The following KCNIP4 variants were observed in gnomAD, a reference collection of about 807,000 sequenced individuals.
KCNIP4 encodes Kv channel-interacting protein 4.
KCNIP4 carries 12 observed loss-of-function variants against 34.0 expected under a neutral mutation model. The ratio of observed to expected loss-of-function variants is 0.35; its 90% CI spans 0.23 to 0.57. KCNIP4 has a LOEUF of 0.57. KCNIP4 is among the 20% of genes least tolerant of loss of function. The pLI, the probability that KCNIP4 is intolerant of heterozygous loss-of-function variation, is 0.83. For missense variants in KCNIP4, 238 were observed against 311.7 expected, an observed-to-expected ratio of 0.76 and a Z score of 1.78; for synonymous variants, 124 against 102.2, an observed-to-expected ratio of 1.21 and a Z score of -1.29.
chr4:21,213,255 AT>A (rs1757349973), intron 1 of KCNIP4, among the ~76,000 whole-genome samples: 1 of 151,338 alleles, frequency 6.6e-6, no homozygotes, highest in Admixed American at 6.6e-5. Context: ...AATCAGCACT[AT>A]TTTTCTTTCT....
rs529622312 is a variant in KCNIP4 at position 21,721,115 on chromosome 4, G to A, written c.61+227456C>T. Among the ~76,000 whole-genome samples the A allele has an allele frequency of 6.6e-5, 10 of 152,222 alleles. No individual in the cohort carries two copies. In the South Asian group the frequency reaches 1.0e-3, roughly 16 times the overall value. On this transcript the variant is annotated intron_variant, in intron 1 of 8. Coordinates refer to ENST00000382152, the MANE Select transcript of KCNIP4 (RefSeq NM_025221.6). ...CACTAGAGCCTTAGTTCGGAGTTTG[G>A]TTAAACTGTTCAGTGAGCTAACTCC...
chr4:21,065,769 T>TATAA (rs1744327616), intron 1 of KCNIP4, among the ~76,000 whole-genome samples: 1 of 139,146 alleles, frequency 7.2e-6, no homozygotes, highest in African/African-American at 2.6e-5. Flanking sequence ...TATATATAAC[T>TATAA]CAATTTTATT....
intron 1 of KCNIP4, among the ~76,000 whole-genome samples, chr4:21,375,327 G>T (rs1720864797): frequency 2.0e-5 from 3 of 152,136 alleles, no homozygotes; most frequent in African/African-American, 4.8e-5. Flanking sequence ...AACAGCCTGG[G>T]TTCAAATAGC....
chr4:21,749,469 C>T (rs1717002265), intron 1 of KCNIP4, among the ~76,000 whole-genome samples: 1 of 152,156 alleles, frequency 6.6e-6, no homozygotes, highest in Non-Finnish European at 1.5e-5. Flanking sequence ...GTGCCAATTC[C>T]TCACTGCTTT....
At chr4:20,860,837 G>A (rs1370713695) in intron 2 of KCNIP4, among the ~76,000 whole-genome samples, 1 of 152,124 alleles carries the variant, frequency 6.6e-6, no homozygotes, top group Non-Finnish European at 1.5e-5. Context: ...AGGATAAGGA[G>A]GTGATGCTAT....
At chr4:21,306,546 C>T (rs1171619029) in intron 1 of KCNIP4, among the ~76,000 whole-genome samples, 1 of 152,120 alleles carries the variant, frequency 6.6e-6, no homozygotes, top group Non-Finnish European at 1.5e-5. Flanking sequence ...CTGGCTGACA[C>T]ACTGTTTTAG....
intron 1 of KCNIP4, among the ~76,000 whole-genome samples, chr4:20,994,001 C>A (rs1368490400): frequency 6.6e-6 from 1 of 152,184 alleles, no homozygotes; most frequent in Non-Finnish European, 1.5e-5. Flanking sequence ...CATTCCATTG[C>A]TCTGACACTG....
intron 1 of KCNIP4, among the ~76,000 whole-genome samples, chr4:21,480,021 A>C (rs28393287): frequency 0.022 from 3,335 of 151,464 alleles, 122 homozygotes; most frequent in East Asian, 0.12. Flanking sequence ...ATAATAATAT[A>C]TAAATTTAAC....
At chr4:21,312,037 C>T (rs998699263) in intron 1 of KCNIP4, among the ~76,000 whole-genome samples, 1 of 152,102 alleles carries the variant, frequency 6.6e-6, no homozygotes, top group Non-Finnish European at 1.5e-5. Context: ...CAACACCACA[C>T]CCAGACTTCA....
Position 21,237,036 on chromosome 4 carries a change from G to A in KCNIP4, c.62-354327C>T, listed in dbSNP as rs953142486. On this transcript the variant is annotated intron_variant, in intron 1 of 8. Coordinates refer to ENST00000382152, the MANE Select transcript of KCNIP4 (RefSeq NM_025221.6). ...AAAAAAAAAAAGATATACATTCAACGGGTACAAATTATTCTCTAAATTACA... is the reference window on the plus strand; with the variant it reads ...AAAAAAAAAAAGATATACATTCAACAGGTACAAATTATTCTCTAAATTACA... 5.3e-5 allele frequency among the ~76,000 whole-genome samples: 8 copies of A among 151,348 alleles called. 1 individual carries two copies. The highest frequency in any genetic ancestry group is 2.0e-4 in the Admixed American group (3 of 15,130).
At chr4:21,080,287 T>A (rs1457415711) in intron 1 of KCNIP4, among the ~76,000 whole-genome samples, 2 of 151,868 alleles carry the variant, frequency 1.3e-5, no homozygotes, top group East Asian at 3.9e-4. Context: ...CTTATAGGGA[T>A]GAGTTAATAG....
At chr4:20,894,217 C>A (rs531122041) in intron 1 of KCNIP4, among the ~76,000 whole-genome samples, 5 of 152,274 alleles carry the variant, frequency 3.3e-5, no homozygotes, top group African/African-American at 1.2e-4. Flanking sequence ...TCAAACTTTT[C>A]TTTGGGATAA....
intron 1 of KCNIP4, among the ~76,000 whole-genome samples, chr4:21,178,420 T>A (rs1410369029): frequency 6.6e-6 from 1 of 152,172 alleles, no homozygotes; most frequent in Non-Finnish European, 1.5e-5. Flanking sequence ...TCACTTAGTG[T>A]CATCTGATGT....
intron 1 of KCNIP4, among the ~76,000 whole-genome samples, chr4:21,057,682 AGTG>A (rs1298988160): frequency 6.6e-6 from 1 of 152,222 alleles, no homozygotes; most frequent in East Asian, 1.9e-4. Flanking sequence ...CACATAGCAC[AGTG>A]GTCGTCTTTG....
chr4:21,047,812 T>A (rs936583517), intron 1 of KCNIP4, among the ~76,000 whole-genome samples: 4 of 152,218 alleles, frequency 2.6e-5, no homozygotes, highest in African/African-American at 7.2e-5. Context: ...CTCCGTAGTC[T>A]GGCTTTCAAG....
intron 1 of KCNIP4, among the ~76,000 whole-genome samples, chr4:21,425,429 T>A (rs1417985641): frequency 6.6e-6 from 1 of 152,128 alleles, no homozygotes; most frequent in African/African-American, 2.4e-5. Context: ...CTTTCTCTAA[T>A]CTTCCTAAAC....
intron 1 of KCNIP4, among the ~76,000 whole-genome samples, chr4:21,451,655 G>A (rs1728515036): frequency 6.6e-6 from 1 of 152,110 alleles, no homozygotes; most frequent in Non-Finnish European, 1.5e-5. Flanking sequence ...CATAATAACA[G>A]ATGAAAGCTT....
chr4:21,286,228 G>A (rs1018270147), intron 1 of KCNIP4, among the ~76,000 whole-genome samples: 6 of 152,050 alleles, frequency 3.9e-5, no homozygotes, highest in Admixed American at 2.0e-4. Context: ...TAAATAGAAT[G>A]TTTGATTGGA....
intron 1 of KCNIP4, among the ~76,000 whole-genome samples, chr4:21,795,764 G>GA (rs1312404711): frequency 1.3e-5 from 2 of 151,784 alleles, no homozygotes; most frequent in Non-Finnish European, 2.9e-5. Context: ...TTTCTTCTTT[G>GA]AAAAAAATAA....
Sources: gnomAD v4.1 joint callset for allele counts (sites outside exome capture counted in the v4.1 genomes callset) on GRCh38, gnomAD v4.1.1 for gene constraint, MANE v1.5 for transcripts, NCBI Gene and HGNC (gene_info 2026-07-23, HGNC 2026-07-21) for gene names.